SLC71A2: variants seen among roughly 807,000 people sequenced by gnomAD.
SLC71A2 encodes the protein hippocampus abundant transcript-like 1.
At chr9:94,458,232 G>C in the SLC71A2 span, 1 of 1,144,400 alleles carries the variant, frequency 8.7e-7, no homozygotes, top group Middle Eastern at 3.0e-4. Flanking sequence ...CCGAATTAGT[G>C]TATCATGGTT....
At chr9:94,452,128 A>G in the SLC71A2 span, among the ~76,000 whole-genome samples, 23 of 152,254 alleles carry the variant, frequency 1.5e-4, no homozygotes, top group Non-Finnish European at 2.6e-4. Flanking sequence ...TACACCAACC[A>G]AAATAGTAAA....
the SLC71A2 span, among the ~76,000 whole-genome samples, chr9:94,406,222 C>T: frequency 1.3e-5 from 2 of 151,450 alleles, no homozygotes; most frequent in African/African-American, 4.9e-5. Context: ...TGTGCGCCAG[C>T]ACGTCTGGCT....
the SLC71A2 span, among the ~76,000 whole-genome samples, chr9:94,450,493 C>CTTTTTTT: frequency 3.9e-4 from 40 of 102,014 alleles, 2 homozygotes; most frequent in Non-Finnish European, 5.7e-4. Flanking sequence ...AATAATGTAA[C>CTTTTTTT]TTTTTTTTTT....
At chr9:94,431,704 T>C in the SLC71A2 span, among the ~76,000 whole-genome samples, 1 of 151,706 alleles carries the variant, frequency 6.6e-6, no homozygotes, top group Non-Finnish European at 1.5e-5. Context: ...AGTCCCTGGC[T>C]GAAAAGGATA....
At chr9:94,425,835 G>T in the SLC71A2 span, among the ~76,000 whole-genome samples, 1 of 152,094 alleles carries the variant, frequency 6.6e-6, no homozygotes, top group Admixed American at 6.6e-5. Context: ...TTCTCCCAAA[G>T]TTCATGCTAT....
the SLC71A2 span, among the ~76,000 whole-genome samples, chr9:94,447,833 T>G: frequency 6.6e-6 from 1 of 152,198 alleles, no homozygotes; most frequent in Non-Finnish European, 1.5e-5. Context: ...CCTGTTTATC[T>G]CTCCCTCCAC....
the SLC71A2 span, among the ~76,000 whole-genome samples, chr9:94,450,466 A>ATT: frequency 1.4e-5 from 2 of 143,234 alleles, no homozygotes; most frequent in Admixed American, 1.4e-4. Flanking sequence ...CTTTTCCTGA[A>ATT]TTTTAATATA....
chr9:94,439,902 C>T, the SLC71A2 span, among the ~76,000 whole-genome samples: 5 of 151,730 alleles, frequency 3.3e-5, no homozygotes. Context: ...TTTTTCCTTC[C>T]AGTTTTCATA....
the SLC71A2 span, among the ~76,000 whole-genome samples, chr9:94,391,714 T>C: frequency 2.1e-3 from 312 of 147,866 alleles, 2 homozygotes; most frequent in African/African-American, 7.4e-3. Context: ...ATAGTGAAAC[T>C]CCGTCTCTAC....
chr9:94,381,040 C>G, the SLC71A2 span, among the ~76,000 whole-genome samples: 1 of 68,500 alleles, frequency 1.5e-5, no homozygotes, highest in African/African-American at 6.3e-5. Context: ...TTTCTTCCCC[C>G]TTTTTTTTTT....
At chr9:94,440,662 C>T in the SLC71A2 span, among the ~76,000 whole-genome samples, 1 of 152,110 alleles carries the variant, frequency 6.6e-6, no homozygotes, top group East Asian at 1.9e-4. Flanking sequence ...TTACTTACAG[C>T]TAGGATATTT....
At chr9:94,378,744 C>T in the SLC71A2 span, among the ~76,000 whole-genome samples, 1 of 152,148 alleles carries the variant, frequency 6.6e-6, no homozygotes, top group South Asian at 2.1e-4. Context: ...GACCCCACCT[C>T]CAACACTGGG....
At chr9:94,416,081 T>C in the SLC71A2 span, among the ~76,000 whole-genome samples, 9,492 of 152,244 alleles carry the variant, frequency 0.062, 448 homozygotes, top group African/African-American at 0.13. Flanking sequence ...GTTTCATCTA[T>C]GATGCGGTTA....
chr9:94,387,482 T>G, the SLC71A2 span, among the ~76,000 whole-genome samples: 4 of 152,146 alleles, frequency 2.6e-5, no homozygotes, highest in Admixed American at 2.6e-4. Flanking sequence ...GAATGTGATA[T>G]GCTTTTATTG....
the SLC71A2 span, among the ~76,000 whole-genome samples, chr9:94,388,804 A>C: frequency 1.3e-5 from 2 of 152,200 alleles, no homozygotes; most frequent in African/African-American, 2.4e-5. Context: ...TTTCTACTAA[A>C]CATGTATAAG....
chr9:94,456,994 G>T, the SLC71A2 span, among the ~76,000 whole-genome samples: 1 of 123,360 alleles, frequency 8.1e-6, no homozygotes, highest in Non-Finnish European at 1.6e-5. Flanking sequence ...CCCCTTACAG[G>T]GTCTCACTGT....
the SLC71A2 span, among the ~76,000 whole-genome samples, chr9:94,377,360 ACTTTTTT>A: frequency 6.9e-6 from 1 of 144,812 alleles, no homozygotes; most frequent in African/African-American, 2.7e-5. Context: ...CCAGCTGATA[ACTTTTTT>A]CTTTTTTGTT....
chr9:94,455,870 G>GA, the SLC71A2 span, among the ~76,000 whole-genome samples: 2 of 151,992 alleles, frequency 1.3e-5, no homozygotes, highest in African/African-American at 4.8e-5. Flanking sequence ...GAGGTACAAA[G>GA]AAAAAATGAA....
At chr9:94,447,743 C>G in the SLC71A2 span, among the ~76,000 whole-genome samples, 15 of 152,204 alleles carry the variant, frequency 9.9e-5, no homozygotes, top group Admixed American at 9.1e-4. Context: ...TTTGGACAAA[C>G]GTATGATGAC....
Sources: gnomAD v4.1 joint callset for allele counts (sites outside exome capture counted in the v4.1 genomes callset) on GRCh38, gnomAD v4.1.1 for gene constraint, MANE v1.5 for transcripts, NCBI Gene and HGNC (gene_info 2026-07-23, HGNC 2026-07-21) for gene names.